The following SLC5A3 variants were observed in gnomAD, a reference collection of about 807,000 sequenced individuals.
SLC5A3 encodes sodium/myo-inositol cotransporter.
Under a neutral mutation model 43.2 loss-of-function variants are expected in SLC5A3, and 10 were observed. The ratio of observed to expected loss-of-function variants is 0.23; its 90% CI spans 0.14 to 0.39. The LOEUF (loss-of-function observed/expected upper bound fraction) is 0.39, where lower values mean the gene tolerates loss of function less well. SLC5A3 is among the 10% of genes least tolerant of loss of function. The pLI, the probability that SLC5A3 is intolerant of heterozygous loss-of-function variation, is 1.00. For synonymous variants in SLC5A3, 349 were observed against 322.0 expected (o/e 1.08, Z -0.90); for missense variants, 608 against 893.4 (o/e 0.68, Z 4.07).
rs531912475 is a variant in SLC5A3, at chr21:34,106,166, T to C, written c.*8811T>C. On this transcript the variant is annotated 3_prime_UTR_variant, in exon 2 of 2. Coordinates refer to ENST00000381151, the MANE Select transcript of SLC5A3 (RefSeq NM_006933.7). The stretch of plus-strand genomic sequence containing the variant: ...CTACATTTCTTGCAAAGTACATTCC[T>C]TTCTGTGGTATTTTGTCCTGTAACT... The C allele has an allele frequency of 1.0e-6, 1 of 989,918 alleles. No individual in the cohort carries two copies. Among genetic ancestry groups the C allele is most frequent in the South Asian group, 4.7e-5 (1 of 21,078 alleles). 61.3% of individuals were successfully genotyped at this position (989,918 alleles called of 1,614,324 possible).
chr21:34,101,004 T>G lies in SLC5A3; in HGVS notation c.*3649T>G. 1 of 1,000,186 alleles carries G rather than the reference T, an allele frequency of 1.0e-6. No homozygotes were observed. The highest frequency in any genetic ancestry group is 1.2e-6 in the Non-Finnish European group (1 of 829,946). The allele number at this position is 1,000,186 out of a possible 1,614,324, so 62.0% of individuals were successfully genotyped here. A position where few individuals can be genotyped will look rare whatever the true frequency, so the allele number is the denominator to read the frequency against. Reference sequence around the variant, plus strand: ...CAGAGGCATGATGACTGGAAAGGGATCACATGGGTCGTTGGTGGTGACACC... The same window carrying G: ...CAGAGGCATGATGACTGGAAAGGGAGCACATGGGTCGTTGGTGGTGACACC... On this transcript the variant is annotated 3_prime_UTR_variant, in exon 2 of 2. Coordinates refer to ENST00000381151, the MANE Select transcript of SLC5A3 (RefSeq NM_006933.7).
rs1490425737 is a variant in SLC5A3, at chr21:34,101,034, T to G, written c.*3679T>G. On this transcript the variant is annotated 3_prime_UTR_variant, in exon 2 of 2. Coordinates refer to ENST00000381151, the MANE Select transcript of SLC5A3 (RefSeq NM_006933.7). ...TGGGTCGTTGGTGGTGACACCTCAC[T>G]GTTTCCTAGGTTTGGATAGAGAGAT... The G allele has an allele frequency of 1.0e-6, 1 of 1,000,064 alleles. No individual in the cohort carries two copies. The highest frequency in any genetic ancestry group is 1.2e-6 in the Non-Finnish European group (1 of 829,960). 61.9% of individuals were successfully genotyped at this position (1,000,064 alleles called of 1,614,324 possible). A position where few individuals can be genotyped will look rare whatever the true frequency, so the allele number is the denominator to read the frequency against.
At chr21:34,089,628 T>TCCA (rs1978577645) in intron 1 of SLC5A3, among the ~76,000 whole-genome samples, 1 of 152,302 alleles carries the variant, frequency 6.6e-6, no homozygotes, top group South Asian at 2.1e-4. Flanking sequence ...GGAAATGGTT[T>TCCA]ACTTTGGAAA....
rs142666188 is a variant in SLC5A3 at position 34,097,055 on chromosome 21, A to T, written c.1857A>T (p.Leu619Phe). 6.2e-7 allele frequency: 1 copy of T among 1,614,146 alleles called. No homozygotes were observed. Among genetic ancestry groups the T allele is most frequent in the Non-Finnish European group, 8.5e-7 (1 of 1,179,990 alleles). ...CREEGNPVAS[L>F]GHSEAETPVD... ...AGGAGGGCAACCCAGTGGCATCCTT[A>T]GGTCATTCAGAGGCAGAAACACCAG... Residue 619 changes from leucine to phenylalanine, a missense_variant, in exon 2 of 2, where the codon TTA becomes TTT. Around this residue, in one of 2 missense-constraint regions of SLC5A3, gnomAD observed 210 missense variants for 224.8 expected, o/e 0.93. Transcript: ENST00000381151.
At position 34,097,127 on chromosome 21, in the gene SLC5A3, GAGAA is replaced by G; in HGVS notation, c.1939_1942del (p.Glu647ArgfsTer11). ...AAGCAGCTCTCATGGGTGAGAAAGAGAGAAAGAAAGAAACGGATGATGGAGGTCG... is the reference window on the plus strand; with the variant it reads ...AAGCAGCTCTCATGGGTGAGAAAGAGAGAAAGAAACGGATGATGGAGGTCG... On this transcript the variant is annotated frameshift_variant, in exon 2 of 2. Coordinates refer to ENST00000381151, the MANE Select transcript of SLC5A3 (RefSeq NM_006933.7). LOFTEE classifies it high-confidence loss of function. 3.7e-6 allele frequency: 6 copies of G among 1,614,032 alleles called. No individual in the cohort carries two copies. Among genetic ancestry groups the G allele is most frequent in the Non-Finnish European group, 5.1e-6 (6 of 1,179,954 alleles).
intron 1 of SLC5A3, among the ~76,000 whole-genome samples, chr21:34,086,517 T>TTG (rs34988334): frequency 0.021 from 3,168 of 148,358 alleles, 54 homozygotes; most frequent in African/African-American, 0.042. Context: ...TAGTTTGTGT[T>TTG]TGTGTGTGTG....
At position 34,095,826 on chromosome 21, in the gene SLC5A3, T is replaced by C; in HGVS notation, c.628T>C (p.Phe210Leu). 1 of 1,610,988 alleles carries C rather than the reference T, an allele frequency of 6.2e-7. No homozygotes were observed. The change falls in exon 2 of 2, where the codon TTT becomes CTT. Residue 210 changes from phenylalanine (F) to leucine (L), a missense_variant. Phe to Leu is a conservative substitution (Grantham distance 22, BLOSUM62 0). This residue lies in a region of SLC5A3 where 398 missense variants were observed against 668.6 expected (regional missense o/e 0.60). Transcript: ENST00000381151. ...MIISIMEIGG[F>L]EEVKRRYMLA... ...TATTAGCATAATGGAGATTGGCGGG[T>C]TTGAGGAAGTTAAGAGAAGGTACAT...
In SLC5A3 at chr21:34,100,951, TATG is replaced by T. The variant is rs1395932616; in HGVS notation, c.*3602_*3604del. On this transcript the variant is annotated 3_prime_UTR_variant, in exon 2 of 2. Transcript: ENST00000381151. Reference sequence around the variant, plus strand: ...AGTGTTAAAGCTTACAGGGTTAACTTATGATGATTCTCCTGGCTCATTTTCATC... The same window carrying T: ...AGTGTTAAAGCTTACAGGGTTAACTTATGATTCTCCTGGCTCATTTTCATC... 17 of 1,000,060 alleles carry T rather than the reference TATG, an allele frequency of 1.7e-5. No homozygotes were observed. The highest frequency in any genetic ancestry group is 6.2e-5 in the Admixed American group (1 of 16,246). 61.9% of individuals were successfully genotyped at this position (1,000,060 alleles called of 1,614,324 possible). A position where few individuals can be genotyped will look rare whatever the true frequency, so the allele number is the denominator to read the frequency against.
intron 1 of SLC5A3, among the ~76,000 whole-genome samples, chr21:34,078,117 A>T (rs1989376612): frequency 6.6e-6 from 1 of 152,118 alleles, no homozygotes; most frequent in Non-Finnish European, 1.5e-5. Context: ...ATCAGTTCAA[A>T]CGGAAACATC....
chr21:34,090,420 A>G (rs897150184), intron 1 of SLC5A3, among the ~76,000 whole-genome samples: 1 of 152,238 alleles, frequency 6.6e-6, no homozygotes, highest in African/African-American at 2.4e-5. Flanking sequence ...AGAATTTTAT[A>G]TACATTTTTT....
chr21:34,095,808 A>G lies in SLC5A3; in HGVS notation c.610A>G (p.Ile204Val). 3.1e-6 allele frequency: 5 copies of G among 1,614,114 alleles called. No individual in the cohort carries two copies. Among genetic ancestry groups the G allele is most frequent in the Non-Finnish European group, 3.4e-6 (4 of 1,179,994 alleles). Residue 204 changes from isoleucine to valine, a missense_variant, in exon 2 of 2, where the codon ATA (isoleucine) becomes GTA (valine). By Grantham distance (29) the Ile-to-Val change is conservative. Transcript: ENST00000381151. ...GGCACTTACACTTATGATTATTAGC[A>G]TAATGGAGATTGGCGGGTTTGAGGA... is the stretch of plus-strand genomic sequence containing the variant. ...IGALTLMIIS[I>V]MEIGGFEEVK... is the part of the protein sequence containing the mutation.
At chr21:34,074,288 G>T (rs1989268280) in intron 1 of SLC5A3, among the ~76,000 whole-genome samples, 1 of 152,102 alleles carries the variant, frequency 6.6e-6, no homozygotes, top group Non-Finnish European at 1.5e-5. Context: ...GCTTGTTTGT[G>T]CCGTTGTCTG....
intron 1 of SLC5A3, among the ~76,000 whole-genome samples, chr21:34,074,183 C>T (rs1451939672): frequency 2.7e-5 from 4 of 150,170 alleles, no homozygotes; most frequent in Non-Finnish European, 4.5e-5. Flanking sequence ...CCTGGTCCGT[C>T]CCGCTCCGCC....
At chr21:34,079,534 C>T (rs1289091146) in intron 1 of SLC5A3, among the ~76,000 whole-genome samples, 2 of 149,116 alleles carry the variant, frequency 1.3e-5, no homozygotes, top group African/African-American at 5.0e-5. Flanking sequence ...CTCCTGGGTT[C>T]AAGCGATTCT....
chr21:34,100,750 T>G lies in SLC5A3; in HGVS notation c.*3395T>G, dbSNP rs547706448. On this transcript the variant is annotated 3_prime_UTR_variant, in exon 2 of 2. Coordinates refer to ENST00000381151, the MANE Select transcript of SLC5A3 (RefSeq NM_006933.7). ...GAGAGCCAATAGAGTGTGTCTGTATTCGCAGTCCATGGCTCATTTTCTTTA... is the reference window on the plus strand; with the variant it reads ...GAGAGCCAATAGAGTGTGTCTGTATGCGCAGTCCATGGCTCATTTTCTTTA... The G allele has an allele frequency of 5.3e-5, 53 of 1,000,212 alleles. No homozygotes were observed. In the South Asian group the frequency reaches 6.6e-4, roughly 12 times the overall value. 62.0% of individuals were successfully genotyped at this position (1,000,212 alleles called of 1,614,324 possible).
chr21:34,079,581 A>G (rs1989412372), intron 1 of SLC5A3, among the ~76,000 whole-genome samples: 1 of 141,010 alleles, frequency 7.1e-6, no homozygotes, highest in Non-Finnish European at 1.5e-5. Flanking sequence ...GATTACAGGC[A>G]TGCGCCACCA....
intron 1 of SLC5A3, among the ~76,000 whole-genome samples, chr21:34,073,980 G>C (rs1316677895): frequency 6.8e-6 from 1 of 146,276 alleles, no homozygotes; most frequent in Non-Finnish European, 1.5e-5. Context: ...GCGCGGTCCG[G>C]GAGGGTGTGC....
In SLC5A3 at chr21:34,100,955, A is replaced by G. The variant is rs975353134; in HGVS notation, c.*3600A>G. ...TTAAAGCTTACAGGGTTAACTTATG[A>G]TGATTCTCCTGGCTCATTTTCATCA... On this transcript the variant is annotated 3_prime_UTR_variant, in exon 2 of 2. Transcript: ENST00000381151. The G allele has an allele frequency of 3.0e-6, 3 of 1,000,148 alleles. No homozygotes were observed. Among genetic ancestry groups the G allele is most frequent in the Non-Finnish European group, 3.6e-6 (3 of 829,936 alleles). The allele number at this position is 1,000,148 out of a possible 1,614,324, so 62.0% of individuals were successfully genotyped here.
chr21:34,075,460 T>C (rs1477688173), intron 1 of SLC5A3, among the ~76,000 whole-genome samples: 2 of 152,222 alleles, frequency 1.3e-5, no homozygotes, highest in Non-Finnish European at 2.9e-5. Flanking sequence ...CACCCATTTT[T>C]CACTCTAGTT....
Sources: gnomAD v4.1 joint callset for allele counts (sites outside exome capture counted in the v4.1 genomes callset) on GRCh38, gnomAD v4.1.1 for gene constraint, gnomAD v4.1.1 regional missense constraint, MANE v1.5 for transcripts, NCBI Gene and HGNC (gene_info 2026-07-23, HGNC 2026-07-21) for gene names.